Variants in SBF2 observed in about 807,000 individuals in gnomAD.
The protein encoded by SBF2 is myotubularin-related protein 13.
SBF2 carries 112 observed loss-of-function variants against 225.2 expected under a neutral mutation model. The ratio of observed to expected loss-of-function variants is 0.50; its 90% CI spans 0.43 to 0.58. SBF2 has a LOEUF of 0.58. SBF2 is among the 20% of genes least tolerant of loss of function. The pLI is 0.00. For missense variants in SBF2, 1,996 were observed against 2,206.2 expected (o/e 0.90, Z 1.91); for synonymous variants, 763 against 773.3 (o/e 0.99, Z 0.22).
intron 16 of SBF2, among the ~76,000 whole-genome samples, chr11:9,947,395 T>C (rs1273295177): frequency 6.6e-6 from 1 of 152,322 alleles, no homozygotes; most frequent in South Asian, 2.1e-4. Flanking sequence ...TGTCTAAATA[T>C]AATATACAAA....
chr11:9,985,418 G>A (rs148327819), intron 13 of SBF2, among the ~76,000 whole-genome samples: 1,974 of 152,204 alleles, frequency 0.013, 39 homozygotes, highest in African/African-American at 0.044. Context: ...TGCCTCTCAG[G>A]TTCAAGTGAT....
chr11:9,971,169 T>C (rs1867303443), intron 13 of SBF2, among the ~76,000 whole-genome samples: 1 of 152,076 alleles, frequency 6.6e-6, no homozygotes, highest in Non-Finnish European at 1.5e-5. Flanking sequence ...CTTTGGTTTC[T>C]ATCTATATTT....
intron 1 of SBF2, among the ~76,000 whole-genome samples, chr11:10,280,257 T>C (rs1047355931): frequency 6.6e-6 from 1 of 152,164 alleles, no homozygotes; most frequent in Non-Finnish European, 1.5e-5. Context: ...AAGTACATAC[T>C]CTTTAGAAGG....
intron 16 of SBF2, among the ~76,000 whole-genome samples, chr11:9,932,017 A>ATCAACTGG (rs1864534621): frequency 6.6e-6 from 1 of 152,110 alleles, no homozygotes; most frequent in African/African-American, 2.4e-5. Context: ...GATCAACTGG[A>ATCAACTGG]AGAAAGGGTA....
In SBF2 at chr11:10,249,449, C is replaced by A. The variant is rs531571487; in HGVS notation, c.55+44566G>T. On this transcript the variant is annotated intron_variant, in intron 1 of 39. Coordinates refer to ENST00000256190, the MANE Select transcript of SBF2 (RefSeq NM_030962.4). ...AAAATGTATTTGCCTTTTAAATACA[C>A]TATCAAAGAAAAAAAAGAAGGGAAA... is the stretch of plus-strand genomic sequence containing the variant. Among the ~76,000 whole-genome samples, 18 of 151,882 alleles carry A rather than the reference C, an allele frequency of 1.2e-4. No individual in the cohort carries two copies. In the South Asian group the frequency reaches 3.1e-3, roughly 26 times the overall value.
chr11:9,981,702 T>C (rs4910089), intron 13 of SBF2, among the ~76,000 whole-genome samples: 67,743 of 143,248 alleles, frequency 0.47, 15,152 homozygotes, highest in Middle Eastern at 0.57. Context: ...TTTAGATCGG[T>C]TGAGTTGTCT....
intron 32 of SBF2, among the ~76,000 whole-genome samples, chr11:9,798,493 C>T (rs1234807919): frequency 6.6e-6 from 1 of 152,186 alleles, no homozygotes; most frequent in Non-Finnish European, 1.5e-5. Flanking sequence ...GCAGTGTGCT[C>T]AGGCAGGGTG....
intron 1 of SBF2, among the ~76,000 whole-genome samples, chr11:10,269,389 A>C (rs958041913): frequency 2.6e-5 from 4 of 152,198 alleles, no homozygotes; most frequent in African/African-American, 9.6e-5. Context: ...TCCAGCTTAA[A>C]GTAGAGGGTA....
chr11:10,019,404 C>T (rs917650290), intron 6 of SBF2, among the ~76,000 whole-genome samples: 1 of 152,156 alleles, frequency 6.6e-6, no homozygotes, highest in African/African-American at 2.4e-5. Flanking sequence ...CCCCAAAGAA[C>T]ATAGCTGATA....
intron 2 of SBF2, among the ~76,000 whole-genome samples, chr11:10,186,745 A>C (rs1427813761): frequency 6.6e-6 from 1 of 152,172 alleles, no homozygotes; most frequent in Non-Finnish European, 1.5e-5. Context: ...TCTGGTGACC[A>C]GCCCCTATCC....
At chr11:10,241,411 C>T (rs1223080414) in intron 1 of SBF2, among the ~76,000 whole-genome samples, 1 of 151,922 alleles carries the variant, frequency 6.6e-6, no homozygotes, top group Non-Finnish European at 1.5e-5. Context: ...ATCCAAGGAA[C>T]TTTGAAAATG....
chr11:9,971,578 C>T (rs1289887475), intron 13 of SBF2, among the ~76,000 whole-genome samples: 1 of 151,964 alleles, frequency 6.6e-6, no homozygotes, highest in Non-Finnish European at 1.5e-5. Flanking sequence ...ACTCAGGGGA[C>T]TGAGGGAGGA....
At chr11:9,946,946 A>C (rs2134313262) in intron 16 of SBF2, among the ~76,000 whole-genome samples, 1 of 152,374 alleles carries the variant, frequency 6.6e-6, no homozygotes, top group African/African-American at 2.4e-5. Context: ...GAAAATAAAG[A>C]GTATTACTTA....
At chr11:10,134,330 GGGT>G (rs1954245440) in intron 2 of SBF2, among the ~76,000 whole-genome samples, 1 of 152,062 alleles carries the variant, frequency 6.6e-6, no homozygotes, top group African/African-American at 2.4e-5. Context: ...GATAAAATTA[GGGT>G]GGGGACACAG....
At chr11:10,013,943 C>T (rs1280675652) in intron 6 of SBF2, among the ~76,000 whole-genome samples, 1 of 152,176 alleles carries the variant, frequency 6.6e-6, no homozygotes, top group African/African-American at 2.4e-5. Flanking sequence ...TTTTTCCTAA[C>T]AGTCTGTAAG....
chr11:10,122,123 C>G (rs1373401144), intron 2 of SBF2, among the ~76,000 whole-genome samples: 2 of 152,184 alleles, frequency 1.3e-5, no homozygotes, highest in Non-Finnish European at 2.9e-5. Context: ...AGAAAAAAAT[C>G]ATATGCTTAG....
intron 2 of SBF2, among the ~76,000 whole-genome samples, chr11:10,045,254 G>A (rs1013667877): frequency 3.3e-5 from 5 of 150,658 alleles, no homozygotes; most frequent in South Asian, 4.2e-4. Flanking sequence ...TGCAACCTCC[G>A]CCTCCTGGGT....
In SBF2 at chr11:9,808,118, A is replaced by G; in HGVS notation, c.4325T>C (p.Val1442Ala). The G allele has an allele frequency of 5.0e-6, 8 of 1,614,216 alleles. No homozygotes were observed. Among genetic ancestry groups the G allele is most frequent in the South Asian group, 1.1e-5 (1 of 91,088 alleles). Residue 1442 changes from valine to alanine, a missense_variant, in exon 32 of 40, where the codon GTT becomes GCT. Transcript: ENST00000256190. Reference sequence around the variant, plus strand: ...ACCAAAAGAGAGCCACTCTTTTTCAACCAACATCTGGAAGCCTTCAAGTGT... The same window carrying G: ...ACCAAAAGAGAGCCACTCTTTTTCAGCCAACATCTGGAAGCCTTCAAGTGT... The part of the protein sequence containing the change: ...YRTLEGFQML[V>A]EKEWLSFGHK...
intron 25 of SBF2, among the ~76,000 whole-genome samples, chr11:9,841,133 A>G (rs2133957189): frequency 6.6e-6 from 1 of 152,336 alleles, no homozygotes; most frequent in Non-Finnish European, 1.5e-5. Context: ...AAAGCAGAAC[A>G]TCAACAATTA....
Sources: gnomAD v4.1 joint callset for allele counts (sites outside exome capture counted in the v4.1 genomes callset) on GRCh38, gnomAD v4.1.1 for gene constraint, MANE v1.5 for transcripts, NCBI Gene and HGNC (gene_info 2026-07-23, HGNC 2026-07-21) for gene names.